Variants in SCAF11 observed in about 807,000 individuals in gnomAD.
SCAF11 encodes the protein SR-related CTD associated factor 11, also known as protein SCAF11.
SCAF11 carries 47 observed loss-of-function variants against 140.5 expected under a neutral mutation model. The observed-to-expected ratio is 0.33, with a 90% CI of 0.26 to 0.43. The LOEUF is 0.43. Ranked by LOEUF, SCAF11 falls within the 20% of genes least tolerant of loss-of-function variation. SCAF11 has a pLI of 1.00. For synonymous variants in SCAF11, 557 were observed against 579.4 expected (o/e 0.96, Z 0.55); for missense variants, 1,645 against 1,705.1 (o/e 0.96, Z 0.62).
At position 45,945,288 on chromosome 12, in the gene SCAF11, G is replaced by T. The variant is rs1240296827; in HGVS notation, c.424C>A (p.Leu142Ile). ...AAGTCACAAACTTTTGCACTTAATA[G>T]ATCTTCTCTTACGATGGCTTTTCTT... ...IRRKAIVRED[L>I]LSAKVCDLKW... is the part of the protein sequence containing the mutation. The change falls in exon 6 of 15, where the codon CTA (leucine) becomes ATA (isoleucine). Residue 142 changes from leucine to isoleucine, a missense_variant. Physicochemically the swap from Leu to Ile is conservative, Grantham distance 5 (BLOSUM62 2). Around this residue, in one of 2 missense-constraint regions of SCAF11, gnomAD observed 1,582 missense variants for 1,609.2 expected, o/e 0.98. Coordinates refer to ENST00000369367, the MANE Select transcript of SCAF11 (RefSeq NM_004719.3). 5.1e-6 allele frequency: 8 copies of T among 1,578,526 alleles called. No homozygotes were observed. Among genetic ancestry groups the T allele is most frequent in the Non-Finnish European group, 6.9e-6 (8 of 1,162,276 alleles).
chr12:45,952,785 T>C (rs938335505), intron 3 of SCAF11, among the ~76,000 whole-genome samples: 1 of 152,228 alleles, frequency 6.6e-6, no homozygotes, highest in African/African-American at 2.4e-5. Context: ...TATTAATACC[T>C]ATGGTTACAA....
chr12:45,987,701 G>T (rs1946490866), intron 1 of SCAF11, among the ~76,000 whole-genome samples: 1 of 152,106 alleles, frequency 6.6e-6, no homozygotes, highest in Admixed American at 6.6e-5. Context: ...AGGAAGAAGA[G>T]ACTTAAATCA....
intron 1 of SCAF11, 32 bp from the exon 2 acceptor site, chr12:45,964,220 G>A (rs754110337): frequency 2.0e-6 from 2 of 989,776 alleles, no homozygotes; most frequent in South Asian, 3.0e-5. Flanking sequence ...AGAATTTTAT[G>A]TTTGCCTTCT....
At chr12:45,990,642 T>G, upstream of SCAF11, 14 of 1,128,454 alleles carry the variant, frequency 1.2e-5, no homozygotes, top group African/African-American at 1.6e-5. Context: ...TCCTCCTCCC[T>G]TCCCTCGCTG....
At chr12:45,973,418 G>A (rs1946160110) in intron 1 of SCAF11, among the ~76,000 whole-genome samples, 1 of 151,932 alleles carries the variant, frequency 6.6e-6, no homozygotes, top group Non-Finnish European at 1.5e-5. Flanking sequence ...AAAAGAAGAA[G>A]AAGAAGAAAT....
At chr12:45,963,984 T>C in intron 2 of SCAF11, 123 bp downstream of exon 2, 1 of 609,560 alleles carries the variant, frequency 1.6e-6, no homozygotes, top group Non-Finnish European at 2.9e-6. Context: ...AGGCAGCTTA[T>C]TTTGGAATTT....
At chr12:45,937,567 T>C (rs909746074) in intron 6 of SCAF11, among the ~76,000 whole-genome samples, 4 of 140,740 alleles carry the variant, frequency 2.8e-5, no homozygotes, top group Non-Finnish European at 6.4e-5. Flanking sequence ...TCAGCTAATG[T>C]GTTTCACTGT....
chr12:45,991,841 G>A, upstream of SCAF11: 1 of 1,242,624 alleles, frequency 8.0e-7, no homozygotes, highest in Non-Finnish European at 1.0e-6. Context: ...TGTCCTGCTT[G>A]CGGCTCCCGC....
At chr12:45,922,833 G>A (rs1270169315) in intron 13 of SCAF11, 103 bp downstream of exon 13, 26 of 1,074,898 alleles carry the variant, frequency 2.4e-5, no homozygotes, top group Non-Finnish European at 3.4e-5. Context: ...CATTTAGACA[G>A]CCAATAAGAA....
At chr12:45,955,697 A>C (rs1010085852) in intron 3 of SCAF11, 18 of 153,934 alleles carry the variant, frequency 1.2e-4, no homozygotes, top group African/African-American at 4.1e-4. Context: ...CCTTAAATAC[A>C]ATAAAAATAT....
At position 45,921,459 on chromosome 12, in the gene SCAF11, A is replaced by G. The variant is rs1343878060; in HGVS notation, c.*589T>C. 6.6e-6 allele frequency: 1 copy of G among 152,560 alleles called. No individual in the cohort carries two copies. Among genetic ancestry groups the G allele is most frequent in the Non-Finnish European group, 1.5e-5 (1 of 68,044 alleles). The allele number at this position is 152,560 out of a possible 1,614,324, so 9.5% of individuals were successfully genotyped here. A position where few individuals can be genotyped will look rare whatever the true frequency, so the allele number is the denominator to read the frequency against. On this transcript the variant is annotated 3_prime_UTR_variant, in exon 15 of 15. Coordinates refer to ENST00000369367, the MANE Select transcript of SCAF11 (RefSeq NM_004719.3). ...TCATACAATAGGTGAAGAGTGTCTC[A>G]ATGTTTTGAACACTAAATTTTACTC... is the stretch of plus-strand genomic sequence containing the variant.
At chr12:45,960,007 G>A (rs1434031576) in intron 3 of SCAF11, among the ~76,000 whole-genome samples, 1 of 152,114 alleles carries the variant, frequency 6.6e-6, no homozygotes, top group Non-Finnish European at 1.5e-5. Context: ...ATTACATGCG[G>A]GAAAGGTGTT....
chr12:45,957,977 C>T (rs1337806014), intron 3 of SCAF11, among the ~76,000 whole-genome samples: 5 of 152,066 alleles, frequency 3.3e-5, no homozygotes, highest in African/African-American at 9.6e-5. Flanking sequence ...AATGTAGTCT[C>T]GACCTCCCAG....
At chr12:45,930,621 G>A (rs1453824092) in intron 10 of SCAF11, among the ~76,000 whole-genome samples, 3 of 151,774 alleles carry the variant, frequency 2.0e-5, no homozygotes, top group East Asian at 1.9e-4. Flanking sequence ...TGGTAAATAC[G>A]TACTATATTT....
intron 6 of SCAF11, among the ~76,000 whole-genome samples, chr12:45,941,866 C>G (rs1240442986): frequency 6.6e-6 from 1 of 152,168 alleles, no homozygotes; most frequent in Non-Finnish European, 1.5e-5. Context: ...AAAAGTTACA[C>G]TGAGTGTGCT....
rs1361862306 is a variant in SCAF11, at chr12:45,951,737, G to A, written c.220-10C>T. 6.5e-7 allele frequency: 1 copy of A among 1,544,096 alleles called. No homozygotes were observed. ...GACATGAAGCCAGTGTCTGAAAAGT[G>A]ATTAACAAATTATATCTTTACAAAT... On this transcript the variant is annotated splice_polypyrimidine_tract_variant and intron_variant, in intron 3 of 14. Coordinates refer to ENST00000369367, the MANE Select transcript of SCAF11 (RefSeq NM_004719.3).
chr12:45,990,699 T>A (rs956688950), upstream of SCAF11: 2 of 761,256 alleles, frequency 2.6e-6, no homozygotes, highest in East Asian at 7.4e-5. Flanking sequence ...CGCCACATTC[T>A]GCTTACTCGC....
At chr12:45,963,245 G>A (rs1389706169) in intron 2 of SCAF11, among the ~76,000 whole-genome samples, 2 of 152,054 alleles carry the variant, frequency 1.3e-5, no homozygotes, top group Non-Finnish European at 2.9e-5. Context: ...ACCAACAAAG[G>A]AAACACAATG....
chr12:45,989,469 G>A lies in SCAF11; in HGVS notation c.-22+884C>T, dbSNP rs114609433. Among the ~76,000 whole-genome samples the A allele has an allele frequency of 4.1e-3, 630 of 152,306 alleles. 6 individuals carry two copies. The highest frequency in any genetic ancestry group is 0.013 in the African/African-American group (550 of 41,568). On this transcript the variant is annotated intron_variant, in intron 1 of 14. Coordinates refer to ENST00000369367, the MANE Select transcript of SCAF11 (RefSeq NM_004719.3). ...GTAGACACTGTATGTAATACAATAC[G>A]GAAATATATTGGAAGTATTTCAAAA...
Sources: allele counts gnomAD v4.1 joint callset (sites outside exome capture counted in the v4.1 genomes callset), GRCh38; gene constraint gnomAD v4.1.1; regional missense constraint gnomAD v4.1.1; transcripts MANE v1.5; gene names NCBI Gene and HGNC (gene_info 2026-07-23, HGNC 2026-07-21).